WDFY4: variants seen among roughly 807,000 people sequenced by gnomAD.
WDFY4 encodes the protein WDFY family member 4.
In WDFY4, 169 loss-of-function variants were observed where a neutral mutation model predicts 351.9. The observed-to-expected ratio is 0.48, with a 90% CI of 0.42 to 0.55. The LOEUF (loss-of-function observed/expected upper bound fraction) is 0.55, where lower values mean the gene tolerates loss of function less well. WDFY4 is among the 20% of genes least tolerant of loss of function. The pLI, the probability that WDFY4 is intolerant of heterozygous loss-of-function variation, is 0.00. For synonymous variants in WDFY4, 1,622 were observed against 1,574.6 expected (o/e 1.03, Z -0.71); for missense variants, 3,803 against 3,935.6 (o/e 0.97, Z 0.90).
chr10:48,787,897 CTTCTTCTTCTTCTTCTT>C (rs1565198514), intron 20 of WDFY4, among the ~76,000 whole-genome samples: 8 of 26,096 alleles, frequency 3.1e-4, no homozygotes, highest in Middle Eastern at 0.013. Flanking sequence ...TCTTCTCCTT[CTTCTTCTTCTTCTTCTT>C]CTTCTTCTTC....
At chr10:48,931,563 A>G (rs1404788937) in intron 47 of WDFY4, among the ~76,000 whole-genome samples, 1 of 152,200 alleles carries the variant, frequency 6.6e-6, no homozygotes, top group Non-Finnish European at 1.5e-5. Flanking sequence ...TCTCCCTGCA[A>G]CCTCCATCCA....
At chr10:48,761,941 A>T (rs11101461) in intron 13 of WDFY4, among the ~76,000 whole-genome samples, 19,096 of 152,062 alleles carry the variant, frequency 0.13, 1,359 homozygotes, top group Middle Eastern at 0.19. Flanking sequence ...AATGCACATG[A>T]CTCTCAAGGA....
At chr10:48,724,857 C>T (rs1319414471) in intron 5 of WDFY4, among the ~76,000 whole-genome samples, 1 of 152,126 alleles carries the variant, frequency 6.6e-6, no homozygotes, top group African/African-American at 2.4e-5. Flanking sequence ...CTCTGTTGCC[C>T]AGGCTGGAGT....
intron 53 of WDFY4, among the ~76,000 whole-genome samples, chr10:48,961,448 TAGA>T (rs1471181207): frequency 2.0e-5 from 3 of 152,098 alleles, no homozygotes; most frequent in African/African-American, 7.2e-5. Context: ...TGTGACAAGG[TAGA>T]AGAAGAGCCT....
rs550830889 is a variant in WDFY4, at chr10:48,970,166, C to G, written c.8805C>G (p.Gly2935=). The G allele has an allele frequency of 3.8e-4, 585 of 1,551,692 alleles. 8 individuals are homozygous for G. In the South Asian group the frequency reaches 6.7e-3, roughly 18 times the overall value. ...LMTFENLAAW[G]RCLCAVCPSP... is the part of the protein sequence containing the mutation. ...CATTCGAGAACCTGGCTGCCTGGGGCCGCTGTCTGTGCGCCGTGTGCCCAT... is the reference window on the plus strand; with the variant it reads ...CATTCGAGAACCTGGCTGCCTGGGGGCGCTGTCTGTGCGCCGTGTGCCCAT... The change falls in exon 57 of 62, where the codon GGC becomes GGG. Residue 2935 remains glycine, a synonymous_variant. Coordinates refer to ENST00000325239, the MANE Select transcript of WDFY4 (RefSeq NM_001394531.1).
chr10:48,953,329 T>TCACACA (rs780484513), intron 51 of WDFY4, among the ~76,000 whole-genome samples: 3 of 87,606 alleles, frequency 3.4e-5, no homozygotes, highest in African/African-American at 1.1e-4. Flanking sequence ...TCTCTCTCTC[T>TCACACA]CTCTCACACA....
At chr10:48,827,108 T>A (rs2068034148) in intron 36 of WDFY4, among the ~76,000 whole-genome samples, 199 bp downstream of exon 36, 3 of 152,190 alleles carry the variant, frequency 2.0e-5, no homozygotes, top group Admixed American at 2.0e-4. Flanking sequence ...GTTAGAATCA[T>A]CATGAGATAA....
chr10:48,810,443 A>T, intron 28 of WDFY4, 87 bp from the exon 29 acceptor site: 1 of 1,300,648 alleles, frequency 7.7e-7, no homozygotes, highest in Non-Finnish European at 1.0e-6. Flanking sequence ...CTCCTTGGTG[A>T]CTTGTAAGGC....
chr10:48,852,113 T>G (rs943873154), intron 39 of WDFY4, among the ~76,000 whole-genome samples: 2 of 152,254 alleles, frequency 1.3e-5, no homozygotes, highest in Non-Finnish European at 2.9e-5. Context: ...GATGGGCCTC[T>G]GCCCTTGACC....
intron 32 of WDFY4, among the ~76,000 whole-genome samples, chr10:48,817,902 G>A (rs985266959): frequency 3.3e-5 from 5 of 152,268 alleles, no homozygotes; most frequent in Non-Finnish European, 5.9e-5. Flanking sequence ...GCCAAGGGGA[G>A]GGCAGAGCCT....
Position 48,876,504 on chromosome 10 carries a change from G to A in WDFY4, c.7001-529G>A, listed in dbSNP as rs558602907. Among the ~76,000 whole-genome samples, 3 of 152,346 alleles carry A rather than the reference G, an allele frequency of 2.0e-5. 1 individual carries two copies. The East Asian group carries it at 5.8e-4, about 29-fold the overall frequency. On this transcript the variant is annotated intron_variant, in intron 42 of 61. Coordinates refer to ENST00000325239, the MANE Select transcript of WDFY4 (RefSeq NM_001394531.1). Reference sequence around the variant, plus strand: ...AATGTCATCAGAAGTATCTGGCACAGAGAAAGGGCTTACTAAATGGGACCT... The same window carrying A: ...AATGTCATCAGAAGTATCTGGCACAAAGAAAGGGCTTACTAAATGGGACCT...
At chr10:48,689,547 AC>A (rs1416503895) in intron 1 of WDFY4, among the ~76,000 whole-genome samples, 1 of 152,218 alleles carries the variant, frequency 6.6e-6, no homozygotes, top group African/African-American at 2.4e-5. Flanking sequence ...CATTAATTTA[AC>A]CTATTTATTT....
At chr10:48,875,035 A>C in intron 41 of WDFY4, 54 bp from the exon 42 acceptor site, 1 of 1,167,444 alleles carries the variant, frequency 8.6e-7, no homozygotes, top group Non-Finnish European at 1.2e-6. Context: ...AGGTGAGTGA[A>C]GCATAGATGT....
chr10:48,956,327 C>T (rs543100819), intron 51 of WDFY4, among the ~76,000 whole-genome samples: 3 of 152,276 alleles, frequency 2.0e-5, no homozygotes, highest in Admixed American at 6.5e-5. Context: ...GGACCAGCCT[C>T]CTGCCCCTTG....
chr10:48,856,115 G>A (rs927573243), intron 39 of WDFY4, among the ~76,000 whole-genome samples: 2 of 151,976 alleles, frequency 1.3e-5, no homozygotes, highest in Admixed American at 1.3e-4. Context: ...TTTTAATATC[G>A]GTAGGACTTA....
At chr10:48,728,297 G>T (rs1352274099) in intron 7 of WDFY4, among the ~76,000 whole-genome samples, 1 of 152,220 alleles carries the variant, frequency 6.6e-6, no homozygotes, top group African/African-American at 2.4e-5. Context: ...ACACCGTTCA[G>T]CAGGGCCTGG....
At chr10:48,765,440 A>G (rs1414578405) in intron 13 of WDFY4, among the ~76,000 whole-genome samples, 3 of 152,224 alleles carry the variant, frequency 2.0e-5, no homozygotes, top group East Asian at 3.8e-4. Context: ...TGAGGATTAC[A>G]TGGAGCAATG....
chr10:48,941,476 T>A (rs1840760910), intron 47 of WDFY4, among the ~76,000 whole-genome samples: 1 of 151,974 alleles, frequency 6.6e-6, no homozygotes, highest in African/African-American at 2.4e-5. Flanking sequence ...AAGGCCGAGA[T>A]GTGGCAGGGG....
chr10:48,694,152 C>A (rs3923678), intron 1 of WDFY4, among the ~76,000 whole-genome samples: 1,846 of 152,286 alleles, frequency 0.012, 32 homozygotes, highest in African/African-American at 0.042. Flanking sequence ...TACCTTAGCA[C>A]GTGAGATATA....
Sources: gnomAD v4.1 joint callset for allele counts (sites outside exome capture counted in the v4.1 genomes callset) on GRCh38, gnomAD v4.1.1 for gene constraint, MANE v1.5 for transcripts, NCBI Gene and HGNC (gene_info 2026-07-23, HGNC 2026-07-21) for gene names.